KPNA4: variants seen among roughly 807,000 people sequenced by gnomAD.
KPNA4 encodes importin subunit alpha-3.
Under a neutral mutation model 71.3 loss-of-function variants are expected in KPNA4, and 13 were observed. The ratio of observed to expected loss-of-function variants is 0.18; its 90% CI spans 0.12 to 0.29. KPNA4 has a LOEUF of 0.29. Ranked by LOEUF, KPNA4 falls within the 10% of genes least tolerant of loss-of-function variation. The probability of loss-of-function intolerance (pLI) is 1.00; values close to 1 mark genes in which losing one functional copy is unlikely to be tolerated. For synonymous variants in KPNA4, 189 were observed against 195.2 expected (o/e 0.97, Z 0.26); for missense variants, 334 against 603.2 (o/e 0.55, Z 4.67).
intron 1 of KPNA4, among the ~76,000 whole-genome samples, chr3:160,547,622 T>C (rs1397570733): frequency 6.6e-6 from 1 of 152,182 alleles, no homozygotes; most frequent in African/African-American, 2.4e-5. Context: ...TGGTGTCGCA[T>C]ACTCTACAGG....
Position 160,526,553 on chromosome 3 carries a change from C to T in KPNA4, c.557-446G>A, listed in dbSNP as rs192857499. On this transcript the variant is annotated intron_variant, in intron 8 of 16. Coordinates refer to ENST00000334256, the MANE Select transcript of KPNA4 (RefSeq NM_002268.5). ...GAACCAGTGCTAGAATAGTGGTTCT[C>T]AATGTGATTATTGGGCTCTAGCTCA... 2.2e-4 allele frequency among the ~76,000 whole-genome samples: 34 copies of T among 152,274 alleles called. 1 individual carries two copies. Among genetic ancestry groups the T allele is most frequent in the African/African-American group, 8.2e-4 (34 of 41,568 alleles).
At chr3:160,554,866 T>G (rs1722106410) in intron 1 of KPNA4, among the ~76,000 whole-genome samples, 1 of 152,198 alleles carries the variant, frequency 6.6e-6, no homozygotes, top group African/African-American at 2.4e-5. Flanking sequence ...CTGTATCCTT[T>G]GTAATATAGT....
chr3:160,561,115 T>C (rs946097107), intron 1 of KPNA4, among the ~76,000 whole-genome samples: 5 of 152,056 alleles, frequency 3.3e-5, no homozygotes, highest in Non-Finnish European at 7.4e-5. Flanking sequence ...ATCACAAGTT[T>C]CTAATTATGT....
chr3:160,504,161 C>T (rs1720937489), intron 16 of KPNA4, among the ~76,000 whole-genome samples: 1 of 152,186 alleles, frequency 6.6e-6, no homozygotes, highest in Admixed American at 6.5e-5. Context: ...TAAGCTTAAA[C>T]AACTGTAAGT....
chr3:160,559,777 CAA>C (rs913642148), intron 1 of KPNA4, among the ~76,000 whole-genome samples: 1 of 152,054 alleles, frequency 6.6e-6, no homozygotes, highest in Admixed American at 6.5e-5. Context: ...CAGTGTATCA[CAA>C]AAGACTGAAT....
At chr3:160,510,635 A>G (rs1721071249) in intron 13 of KPNA4, among the ~76,000 whole-genome samples, 1 of 152,190 alleles carries the variant, frequency 6.6e-6, no homozygotes, top group Admixed American at 6.5e-5. Flanking sequence ...TATCAGAATA[A>G]GAAAATCTAA....
chr3:160,555,467 T>C (rs539503041), intron 1 of KPNA4, among the ~76,000 whole-genome samples: 1 of 152,342 alleles, frequency 6.6e-6, no homozygotes, highest in Admixed American at 6.5e-5. Flanking sequence ...TACTGAACTC[T>C]ACATGTAGTA....
chr3:160,538,616 C>A (rs116810064), intron 1 of KPNA4, among the ~76,000 whole-genome samples: 2,935 of 152,264 alleles, frequency 0.019, 57 homozygotes, highest in Middle Eastern at 0.041. Context: ...AAGACTCTCA[C>A]ACGCTCCACT....
intron 13 of KPNA4, among the ~76,000 whole-genome samples, chr3:160,512,737 C>T (rs947521677): frequency 6.6e-6 from 1 of 151,982 alleles, no homozygotes; most frequent in Non-Finnish European, 1.5e-5. Flanking sequence ...GAGGCTGAGG[C>T]GCAAGAATCG....
At chr3:160,551,991 T>G (rs1722050604) in intron 1 of KPNA4, among the ~76,000 whole-genome samples, 1 of 146,910 alleles carries the variant, frequency 6.8e-6, no homozygotes, top group Non-Finnish European at 1.5e-5. Context: ...AGGCCACAGA[T>G]GCTGCTAAAC....
intron 10 of KPNA4, among the ~76,000 whole-genome samples, chr3:160,522,502 G>A (rs942808881): frequency 2.0e-5 from 3 of 151,760 alleles, no homozygotes; most frequent in African/African-American, 7.3e-5. Context: ...CTGTCGCCCA[G>A]GCTGGAGTGC....
intron 1 of KPNA4, among the ~76,000 whole-genome samples, chr3:160,540,299 C>T (rs750299357): frequency 3.3e-5 from 5 of 151,958 alleles, no homozygotes; most frequent in Non-Finnish European, 7.4e-5. Context: ...GCGCCTGACC[C>T]GAAAGATTTT....
At position 160,535,900 on chromosome 3, in the gene KPNA4, TAA is replaced by T. The variant is rs71628425; in HGVS notation, c.115-5_115-4del. 8.1e-3 allele frequency: 2,625 copies of T among 323,474 alleles called. No individual in the cohort carries two copies. The highest frequency in any genetic ancestry group is 0.02 in the East Asian group (275 of 13,746). 20.0% of individuals were successfully genotyped at this position (323,474 alleles called of 1,614,324 possible). A position where few individuals can be genotyped will look rare whatever the true frequency, so the allele number is the denominator to read the frequency against. ...AAGAGATGTTCATCTCTTTTATTCT[TAA>T]AAAAAAAAAAAAAAAAAAAAAAACC... On this transcript the variant is annotated splice_polypyrimidine_tract_variant and splice_region_variant and intron_variant, in intron 2 of 16. Coordinates refer to ENST00000334256, the MANE Select transcript of KPNA4 (RefSeq NM_002268.5).
At position 160,498,010 on chromosome 3, in the gene KPNA4, A is replaced by T. The variant is rs1391182982; in HGVS notation, c.*4094T>A. The T allele has an allele frequency of 6.6e-6, 1 of 152,218 alleles. No homozygotes were observed. Among genetic ancestry groups the T allele is most frequent in the Non-Finnish European group, 1.5e-5 (1 of 68,042 alleles). 9.4% of individuals were successfully genotyped at this position (152,218 alleles called of 1,614,324 possible). On this transcript the variant is annotated 3_prime_UTR_variant, in exon 17 of 17. Transcript: ENST00000334256. The stretch of plus-strand genomic sequence containing the variant: ...TCACATTTTTTTGCATTGGTTCACA[A>T]ATTTAAATGAATTTAGATTACCTTT...
At chr3:160,513,193 T>C (rs74982559) in intron 13 of KPNA4, among the ~76,000 whole-genome samples, 7,744 of 151,078 alleles carry the variant, frequency 0.051, 241 homozygotes, top group Middle Eastern at 0.082. Flanking sequence ...ATCTTCTCTT[T>C]AATTACAGAT....
chr3:160,514,856 T>G, intron 12 of KPNA4: 1 of 439,754 alleles, frequency 2.3e-6, no homozygotes, highest in Non-Finnish European at 4.5e-6. Context: ...AGATAACTAA[T>G]AAGTTTTACT....
intron 5 of KPNA4, among the ~76,000 whole-genome samples, chr3:160,532,638 C>A (rs1721596779): frequency 6.6e-6 from 1 of 152,170 alleles, no homozygotes; most frequent in African/African-American, 2.4e-5. Flanking sequence ...CTAATCATAT[C>A]TTTACCCACT....
At chr3:160,526,960 A>C (rs2108550636) in intron 8 of KPNA4, among the ~76,000 whole-genome samples, 1 of 152,326 alleles carries the variant, frequency 6.6e-6, no homozygotes, top group East Asian at 1.9e-4. Context: ...TAGCATTCCT[A>C]ATAGTATAAA....
In KPNA4 at chr3:160,498,336, G is replaced by T. The variant is rs1409422611; in HGVS notation, c.*3768C>A. 1.3e-5 allele frequency: 2 copies of T among 152,206 alleles called. No individual in the cohort carries two copies. The highest frequency in any genetic ancestry group is 4.8e-5 in the African/African-American group (2 of 41,460). The allele number at this position is 152,206 out of a possible 1,614,324, so 9.4% of individuals were successfully genotyped here. A position where few individuals can be genotyped will look rare whatever the true frequency, so the allele number is the denominator to read the frequency against. On this transcript the variant is annotated 3_prime_UTR_variant, in exon 17 of 17. Transcript: ENST00000334256. ...AGGCTATCACTTGTAAATTGTTCCA[G>T]TTCTAAATAGTTGAGTCCTTGTCAT...
Sources: allele counts gnomAD v4.1 joint callset (sites outside exome capture counted in the v4.1 genomes callset), GRCh38; gene constraint gnomAD v4.1.1; transcripts MANE v1.5; gene names NCBI Gene and HGNC (gene_info 2026-07-23, HGNC 2026-07-21).